The following GPR63 variants were observed in gnomAD, a reference collection of about 807,000 sequenced individuals.
The protein encoded by GPR63 is probable G protein-coupled receptor 63.
GPR63 carries 12 observed loss-of-function variants against 23.1 expected under a neutral mutation model. The ratio of observed to expected loss-of-function variants is 0.52; its 90% CI spans 0.33 to 0.84. The LOEUF (loss-of-function observed/expected upper bound fraction) is 0.84, where lower values mean the gene tolerates loss of function less well. Ranked by LOEUF, GPR63 falls within the 40% of genes least tolerant of loss-of-function variation. The pLI, the probability that GPR63 is intolerant of heterozygous loss-of-function variation, is 0.02. For missense variants in GPR63, 472 were observed against 515.6 expected, an observed-to-expected ratio of 0.92 and a Z score of 0.82; for synonymous variants, 172 against 191.1, an observed-to-expected ratio of 0.90 and a Z score of 0.82.
Position 96,822,519 on chromosome 6 carries a change from C to T in GPR63, c.-151+14749G>A, listed in dbSNP as rs185488378. ...CATGTGCCAACTGAAATTACCTTCA[C>T]TTGCCATCTTTCCCTGATACTCAGT... On this transcript the variant is annotated intron_variant, in intron 1 of 1. Transcript: ENST00000229955. Among the ~76,000 whole-genome samples the T allele has an allele frequency of 2.4e-4, 37 of 152,332 alleles. 2 individuals carry two copies. Among genetic ancestry groups the T allele is most frequent in the Admixed American group, 2.3e-3 (35 of 15,302 alleles).
At chr6:96,799,971 T>C (rs1341382859) in intron 1 of GPR63, 90 bp from the exon 2 acceptor site, 21 of 538,270 alleles carry the variant, frequency 3.9e-5, no homozygotes, top group Non-Finnish European at 3.4e-5. Flanking sequence ...TCATGAAGGA[T>C]CAGTTTTGCT....
At position 96,798,323 on chromosome 6, in the gene GPR63, GAACTAT is replaced by G; in HGVS notation, c.*143_*148del. Reference sequence around the variant, plus strand: ...TTCCTATTATTTATTCTTGGTAACAGAACTATAATTACCATTCTTTCTTTACACTGC... The same window carrying G: ...TTCCTATTATTTATTCTTGGTAACAGAATTACCATTCTTTCTTTACACTGC... On this transcript the variant is annotated 3_prime_UTR_variant, in exon 2 of 2. Transcript: ENST00000229955. The G allele has an allele frequency of 1.4e-6, 1 of 722,680 alleles. No homozygotes were observed. Among genetic ancestry groups the G allele is most frequent in the Non-Finnish European group, 2.2e-6 (1 of 452,968 alleles). The allele number at this position is 722,680 out of a possible 1,614,324, so 44.8% of individuals were successfully genotyped here.
chr6:96,817,346 A>T (rs1396947989), intron 1 of GPR63, among the ~76,000 whole-genome samples: 7 of 151,394 alleles, frequency 4.6e-5, no homozygotes, highest in African/African-American at 1.7e-4. Flanking sequence ...TAAAGTTGAA[A>T]ATATATATAT....
intron 1 of GPR63, among the ~76,000 whole-genome samples, chr6:96,836,726 C>T (rs1378755084): frequency 6.6e-6 from 1 of 152,100 alleles, no homozygotes; most frequent in Non-Finnish European, 1.5e-5. Flanking sequence ...AAGGATGCAA[C>T]ACACAGCGCC....
intron 1 of GPR63, among the ~76,000 whole-genome samples, chr6:96,829,446 A>G (rs1723669953): frequency 6.6e-6 from 1 of 152,162 alleles, no homozygotes; most frequent in Admixed American, 6.5e-5. Flanking sequence ...GAATCCCCAC[A>G]CTTTGAGAAG....
rs1324808044 is a variant in GPR63 at position 96,798,061 on chromosome 6, T to C, written c.*411A>G. The C allele has an allele frequency of 6.2e-6, 1 of 160,374 alleles. No individual in the cohort carries two copies. Among genetic ancestry groups the C allele is most frequent in the Non-Finnish European group, 1.4e-5 (1 of 72,584 alleles). The allele number at this position is 160,374 out of a possible 1,614,324, so 9.9% of individuals were successfully genotyped here. A position where few individuals can be genotyped will look rare whatever the true frequency, so the allele number is the denominator to read the frequency against. ...ATTGAGATGTTTGGCTCCAATGTGA[T>C]GGTAAAAGCAGCAGTGTCTTCCAGA... On this transcript the variant is annotated 3_prime_UTR_variant, in exon 2 of 2. Coordinates refer to ENST00000229955, the MANE Select transcript of GPR63 (RefSeq NM_030784.4).
At chr6:96,829,579 A>T (rs1456265920) in intron 1 of GPR63, among the ~76,000 whole-genome samples, 1 of 152,192 alleles carries the variant, frequency 6.6e-6, no homozygotes, top group African/African-American at 2.4e-5. Flanking sequence ...ATGCACCTGT[A>T]GTCCCAGTTA....
In GPR63 at chr6:96,799,301, G is replaced by A. The variant is rs758890129; in HGVS notation, c.431C>T (p.Thr144Ile). Reference protein sequence around the residue: ...NMPFALVTILTTRWIFGKFFC... With the variant: ...NMPFALVTILITRWIFGKFFC... ...GAATTTCCCAAAAATCCATCGGGTAGTAAGAATAGTTACCAGGGCAAAGGG... is the reference window on the plus strand; with the variant it reads ...GAATTTCCCAAAAATCCATCGGGTAATAAGAATAGTTACCAGGGCAAAGGG... Residue 144 changes from threonine to isoleucine, a missense_variant, in exon 2 of 2, where the codon ACT becomes ATT. By Grantham distance (89) the Thr-to-Ile change is moderately conservative. Coordinates refer to ENST00000229955, the MANE Select transcript of GPR63 (RefSeq NM_030784.4). The A allele has an allele frequency of 6.2e-7, 1 of 1,614,154 alleles. No homozygotes were observed. Among genetic ancestry groups the A allele is most frequent in the Non-Finnish European group, 8.5e-7 (1 of 1,180,018 alleles).
Position 96,799,261 on chromosome 6 carries a change from A to C in GPR63, c.471T>G (p.Ser157=), listed in dbSNP as rs755873633. Reference sequence around the variant, plus strand: ...TCACAAATAACCAGAAAAACATAGCAGATACCCTACAGAAGAATTTCCCAA... The same window carrying C: ...TCACAAATAACCAGAAAAACATAGCCGATACCCTACAGAAGAATTTCCCAA... ...WIFGKFFCRV[S]AMFFWLFVIE... The change falls in exon 2 of 2, where the codon TCT becomes TCG. Residue 157 remains serine (S), a synonymous_variant. Transcript: ENST00000229955. 1.2e-6 allele frequency: 2 copies of C among 1,614,180 alleles called. No individual in the cohort carries two copies. The highest frequency in any genetic ancestry group is 1.7e-6 in the Non-Finnish European group (2 of 1,180,018).
chr6:96,816,791 C>T (rs1223329873), intron 1 of GPR63, among the ~76,000 whole-genome samples: 1 of 152,068 alleles, frequency 6.6e-6, no homozygotes, highest in Non-Finnish European at 1.5e-5. Flanking sequence ...TCTCAGTGGG[C>T]TGGAAGCTGG....
At chr6:96,818,333 C>T (rs907175864) in intron 1 of GPR63, among the ~76,000 whole-genome samples, 41 of 151,916 alleles carry the variant, frequency 2.7e-4, no homozygotes, top group Admixed American at 2.6e-3. Flanking sequence ...TGTGGTAGTT[C>T]GTGTCTGTAA....
intron 1 of GPR63, among the ~76,000 whole-genome samples, chr6:96,823,487 C>T (rs773048354): frequency 6.6e-6 from 1 of 151,700 alleles, no homozygotes; most frequent in Non-Finnish European, 1.5e-5. Context: ...TACAAATGTA[C>T]AATGCATTCA....
chr6:96,826,222 G>C (rs1306071979), intron 1 of GPR63, among the ~76,000 whole-genome samples: 1 of 152,078 alleles, frequency 6.6e-6, no homozygotes, highest in African/African-American at 2.4e-5. Context: ...GCAAAGCCTA[G>C]ATATATGAAG....
chr6:96,814,877 A>G (rs1412955413), intron 1 of GPR63, among the ~76,000 whole-genome samples: 2 of 152,182 alleles, frequency 1.3e-5, no homozygotes, highest in Non-Finnish European at 2.9e-5. Flanking sequence ...TCTGTGAGTT[A>G]TATCATACTT....
At chr6:96,836,655 A>C (rs1328488020) in intron 1 of GPR63, among the ~76,000 whole-genome samples, 1 of 152,074 alleles carries the variant, frequency 6.6e-6, no homozygotes, top group Non-Finnish European at 1.5e-5. Flanking sequence ...AAAAAGAAGA[A>C]TGTTTCCGAA....
rs148178488 is a variant in GPR63 at position 96,832,017 on chromosome 6, T to G, written c.-151+5251A>C. On this transcript the variant is annotated intron_variant, in intron 1 of 1. Coordinates refer to ENST00000229955, the MANE Select transcript of GPR63 (RefSeq NM_030784.4). ...TATATCCCCAATAAACTATGATACA[T>G]CCATAGAATAATATTATTCAGAATT... Among the ~76,000 whole-genome samples the G allele has an allele frequency of 4.6e-3, 707 of 152,100 alleles. 6 individuals are homozygous for G. Among genetic ancestry groups the G allele is most frequent in the East Asian group, 0.032 (166 of 5,184 alleles).
Position 96,799,197 on chromosome 6 carries a change from T to A in GPR63, c.535A>T (p.Arg179Trp). 1 of 1,614,178 alleles carries A rather than the reference T, an allele frequency of 6.2e-7. No individual in the cohort carries two copies. Among genetic ancestry groups the A allele is most frequent in the Non-Finnish European group, 8.5e-7 (1 of 1,180,042 alleles). ...VAILLIISID[R>W]FLIIVQRQDK... ...TGCCTCTGGACTATAATAAGGAACCTATCTATGCTAATGATGAGCAGGATG... is the reference window on the plus strand; with the variant it reads ...TGCCTCTGGACTATAATAAGGAACCAATCTATGCTAATGATGAGCAGGATG... Residue 179 changes from arginine (R) to tryptophan (W), a missense_variant, in exon 2 of 2, where the codon AGG becomes TGG. Transcript: ENST00000229955.
At chr6:96,808,431 T>C (rs564387631) in intron 1 of GPR63, among the ~76,000 whole-genome samples, 57 of 152,330 alleles carry the variant, frequency 3.7e-4, no homozygotes, top group Middle Eastern at 3.4e-3. Flanking sequence ...AGATTAGTTT[T>C]CCCATGGGGT....
chr6:96,823,907 G>A (rs1774371174), intron 1 of GPR63, among the ~76,000 whole-genome samples: 1 of 152,110 alleles, frequency 6.6e-6, no homozygotes, highest in South Asian at 2.1e-4. Context: ...TATAGCCTAG[G>A]TGTAGAGCAG....
Sources: gnomAD v4.1 joint callset for allele counts (sites outside exome capture counted in the v4.1 genomes callset) on GRCh38, gnomAD v4.1.1 for gene constraint, MANE v1.5 for transcripts, NCBI Gene and HGNC (gene_info 2026-07-23, HGNC 2026-07-21) for gene names.